SFXN1: variants seen among roughly 807,000 people sequenced by gnomAD.
SFXN1 encodes sideroflexin-1.
A neutral mutation model predicts 39.5 loss-of-function variants in SFXN1; 32 were observed. The ratio of observed to expected loss-of-function variants is 0.81; its 90% CI spans 0.61 to 1.09. SFXN1 has a LOEUF of 1.09. Ranked by LOEUF, SFXN1 falls within the 50% of genes least tolerant of loss-of-function variation. SFXN1 has a pLI of 0.00. For missense variants in SFXN1, 402 were observed against 407.1 expected (o/e 0.99, Z 0.11); for synonymous variants, 136 against 146.5 (o/e 0.93, Z 0.52).
chr5:175,492,678 T>C (rs1162887244), intron 2 of SFXN1: 1 of 159,700 alleles, frequency 6.3e-6, no homozygotes, highest in Admixed American at 6.3e-5. Flanking sequence ...TTCTGAGTTA[T>C]AGGCCCAGTA....
chr5:175,506,479 C>T (rs143274879), intron 2 of SFXN1, among the ~76,000 whole-genome samples: 1 of 152,186 alleles, frequency 6.6e-6, no homozygotes, highest in Non-Finnish European at 1.5e-5. Flanking sequence ...CATATTTACT[C>T]ATTTCTTTCA....
rs550334284 is a variant in SFXN1, at chr5:175,513,542, A to G, written c.676A>G (p.Ile226Val). ...GESANAAKQA[I>V]TQVVVSRILM... ...GTCGGCGAACGCTGCGAAACAAGCCATCACGCAAGTTGTCGTGTCCAGGAT... is the reference window on the plus strand; with the variant it reads ...GTCGGCGAACGCTGCGAAACAAGCCGTCACGCAAGTTGTCGTGTCCAGGAT... The change falls in exon 7 of 11, where the codon ATC becomes GTC. Residue 226 changes from isoleucine (I) to valine (V), a missense_variant. Ile to Val is a conservative substitution (Grantham distance 29). Transcript: ENST00000321442. The G allele has an allele frequency of 6.2e-7, 1 of 1,614,012 alleles. No individual in the cohort carries two copies. Among genetic ancestry groups the G allele is most frequent in the Middle Eastern group, 1.6e-4 (1 of 6,062 alleles).
intron 1 of SFXN1, chr5:175,484,008 C>T (rs1358801096): frequency 2.0e-5 from 3 of 152,238 alleles, no homozygotes; most frequent in African/African-American, 4.8e-5. Context: ...TGATCCTTGC[C>T]GCATCTGCAG....
rs200390050 is a variant in SFXN1 at position 175,513,485 on chromosome 5, G to A, written c.619G>A (p.Val207Ile). 89 of 1,613,628 alleles carry A rather than the reference G, an allele frequency of 5.5e-5. No homozygotes were observed. Among genetic ancestry groups the A allele is most frequent in the South Asian group, 1.9e-4 (17 of 91,062 alleles). Reference protein sequence around the residue: ...RQRELKVGIPVTDENGNRLGE... With the variant: ...RQRELKVGIPITDENGNRLGE... ...CAGGGAACTCAAAGTTGGCATTCCC[G>A]TCACGGATGAGAATGGGAACCGCTT... Residue 207 changes from valine (V) to isoleucine (I), a missense_variant, in exon 7 of 11, where the codon GTC (valine) becomes ATC (isoleucine). Transcript: ENST00000321442.
chr5:175,480,956 C>G (rs1759227839), intron 1 of SFXN1, among the ~76,000 whole-genome samples: 1 of 152,206 alleles, frequency 6.6e-6, no homozygotes, highest in African/African-American at 2.4e-5. Flanking sequence ...AGTGAAAAGT[C>G]ATTAAATTAG....
At chr5:175,504,312 C>A (rs1760205399) in intron 2 of SFXN1, among the ~76,000 whole-genome samples, 1 of 152,160 alleles carries the variant, frequency 6.6e-6, no homozygotes, top group East Asian at 1.9e-4. Context: ...AGGTGGCTCA[C>A]GCCTGTAATC....
chr5:175,526,931 A>G lies in SFXN1; in HGVS notation c.*197A>G. The G allele has an allele frequency of 1.7e-6, 1 of 572,244 alleles. No individual in the cohort carries two copies. The highest frequency in any genetic ancestry group is 3.1e-6 in the Non-Finnish European group (1 of 323,344). 35.4% of individuals were successfully genotyped at this position (572,244 alleles called of 1,614,324 possible). On this transcript the variant is annotated 3_prime_UTR_variant, in exon 11 of 11. Coordinates refer to ENST00000321442, the MANE Select transcript of SFXN1 (RefSeq NM_022754.7). ...AAGTGCCTGATACTCCCTTACACTG[A>G]ATCATGTTATGATTTATAGAAATAC...
At chr5:175,492,072 C>T in intron 1 of SFXN1, 23 bp from the exon 2 acceptor site, 1 of 1,585,080 alleles carries the variant, frequency 6.3e-7, no homozygotes, top group Non-Finnish European at 8.6e-7. Context: ...CTTACACGAA[C>T]TTGCCTTTTT....
intron 2 of SFXN1, among the ~76,000 whole-genome samples, chr5:175,495,593 G>A (rs911998302): frequency 6.6e-6 from 1 of 151,930 alleles, no homozygotes; most frequent in Non-Finnish European, 1.5e-5. Flanking sequence ...GCCGAGTATG[G>A]TGATGCACGC....
chr5:175,493,484 G>A (rs1050939829), intron 2 of SFXN1, among the ~76,000 whole-genome samples: 1 of 152,128 alleles, frequency 6.6e-6, no homozygotes, highest in African/African-American at 2.4e-5. Flanking sequence ...ACTGAGTCTG[G>A]CCAAGTTCTG....
rs185983644 is a variant in SFXN1 at position 175,482,595 on chromosome 5, C to T, written c.-10+3956C>T. On this transcript the variant is annotated intron_variant, in intron 1 of 10. Coordinates refer to ENST00000321442, the MANE Select transcript of SFXN1 (RefSeq NM_022754.7). ...GCCAGTGAGGACAGGAGCTTCCACT[C>T]GTGGAAAACCAGCTTGTTAATAATG... 7.7e-4 allele frequency among the ~76,000 whole-genome samples: 118 copies of T among 152,270 alleles called. 1 individual carries two copies. Among genetic ancestry groups the T allele is most frequent in the Non-Finnish European group, 1.2e-3 (83 of 68,026 alleles).
chr5:175,481,822 G>C (rs1045982467), intron 1 of SFXN1, among the ~76,000 whole-genome samples: 3 of 152,194 alleles, frequency 2.0e-5, no homozygotes, highest in Non-Finnish European at 4.4e-5. Context: ...GCTTTGCACA[G>C]AATTCAACTC....
chr5:175,497,766 A>G (rs1759909078), intron 2 of SFXN1, among the ~76,000 whole-genome samples: 2 of 151,914 alleles, frequency 1.3e-5, no homozygotes, highest in East Asian at 1.9e-4. Context: ...CTGTCTGTGC[A>G]AAAAACACAA....
At chr5:175,496,246 G>T (rs940398066) in intron 2 of SFXN1, among the ~76,000 whole-genome samples, 3 of 151,860 alleles carry the variant, frequency 2.0e-5, no homozygotes, top group Admixed American at 2.0e-4. Context: ...GCATGGTGAC[G>T]CGCACCTATA....
intron 10 of SFXN1, among the ~76,000 whole-genome samples, chr5:175,526,256 C>T (rs923548475): frequency 6.6e-6 from 1 of 151,142 alleles, no homozygotes; most frequent in African/African-American, 2.4e-5. Flanking sequence ...TTGCATATCT[C>T]TTTTTTTATC....
intron 1 of SFXN1, chr5:175,483,913 G>C (rs1043718719): frequency 4.6e-5 from 7 of 152,254 alleles, no homozygotes; most frequent in Admixed American, 3.3e-4. Context: ...CTTGCTTCAG[G>C]TGCCGTGAAG....
rs922855423 is a variant in SFXN1, at chr5:175,528,706, A to C, written c.*1972A>C. 1.3e-5 allele frequency: 2 copies of C among 152,164 alleles called. No individual in the cohort carries two copies. The highest frequency in any genetic ancestry group is 4.8e-5 in the African/African-American group (2 of 41,418). 9.4% of individuals were successfully genotyped at this position (152,164 alleles called of 1,614,324 possible). A position where few individuals can be genotyped will look rare whatever the true frequency, so the allele number is the denominator to read the frequency against. ...TCCTTGATGCTGCCAGAGTCTTCTT[A>C]TTTAGATTTTCTGTCTTAAACCATT... On this transcript the variant is annotated 3_prime_UTR_variant, in exon 11 of 11. Transcript: ENST00000321442.
At position 175,527,107 on chromosome 5, in the gene SFXN1, T is replaced by A. The variant is rs907707690; in HGVS notation, c.*373T>A. The A allele has an allele frequency of 2.0e-4, 34 of 172,856 alleles. No individual in the cohort carries two copies. Among genetic ancestry groups the A allele is most frequent in the Admixed American group, 1.6e-3 (28 of 16,992 alleles). The allele number at this position is 172,856 out of a possible 1,614,324, so 10.7% of individuals were successfully genotyped here. On this transcript the variant is annotated 3_prime_UTR_variant, in exon 11 of 11. Transcript: ENST00000321442. The stretch of plus-strand genomic sequence containing the variant: ...TTATCAATCAGTGAAAAAAGAAATC[T>A]GTTTAAAATACTGAATTTTCATCTC...
chr5:175,516,498 G>T, intron 7 of SFXN1, 116 bp from the exon 8 acceptor site: 3 of 802,528 alleles, frequency 3.7e-6, no homozygotes, highest in South Asian at 1.8e-5. Context: ...TGTTTTTACT[G>T]TGACAGTGGA....
Sources: gnomAD v4.1 joint callset for allele counts (sites outside exome capture counted in the v4.1 genomes callset) on GRCh38, gnomAD v4.1.1 for gene constraint, MANE v1.5 for transcripts, NCBI Gene and HGNC (gene_info 2026-07-23, HGNC 2026-07-21) for gene names.